The following ECE2 variants were observed in gnomAD, a reference collection of about 807,000 sequenced individuals.
ECE2 encodes endothelin-converting enzyme 2.
Under a neutral mutation model 100.6 loss-of-function variants are expected in ECE2, and 81 were observed. That is an observed-to-expected ratio of 0.81 (90% CI 0.67 to 0.97). The LOEUF is 0.97. Ranked by LOEUF, ECE2 falls within the 50% of genes least tolerant of loss-of-function variation. ECE2 has a pLI of 0.00. For synonymous variants in ECE2, 391 were observed against 391.5 expected (o/e 1.00, Z 0.02); for missense variants, 911 against 988.1 (o/e 0.92, Z 1.05).
At position 184,276,202 on chromosome 3, in the gene ECE2, G is replaced by A. The variant is rs1210371419; in HGVS notation, c.39+10G>A. On this transcript the variant is annotated intron_variant, in intron 1 of 18. Coordinates refer to ENST00000404464, the MANE Select transcript of ECE2 (RefSeq NM_001100121.2). Reference sequence around the variant, plus strand: ...GGGAGCTGGCAGCAACGTGAGTGGGGGCCCCGGGCTCCACGGGAGGGGACT... The same window carrying A: ...GGGAGCTGGCAGCAACGTGAGTGGGAGCCCCGGGCTCCACGGGAGGGGACT... 1 of 1,444,316 alleles carries A rather than the reference G, an allele frequency of 6.9e-7. No individual in the cohort carries two copies. Among genetic ancestry groups the A allele is most frequent in the Non-Finnish European group, 9.0e-7 (1 of 1,105,072 alleles). 89.5% of individuals were successfully genotyped at this position (1,444,316 alleles called of 1,614,324 possible).
At position 184,291,330 on chromosome 3, in the gene ECE2, T is replaced by C. The variant is rs1372755874; in HGVS notation, c.2026-14T>C. On this transcript the variant is annotated splice_polypyrimidine_tract_variant and intron_variant, in intron 17 of 18. Transcript: ENST00000404464. This position sits in a 1 kb window ranked among gnomAD's most constrained non-coding sequence, Gnocchi z 4.1. ...AGGCCTGGATGGGCTTGTTGCCCAC[T>C]GTTCTGTCCCCAGGCTTACAAAGCA... is the stretch of plus-strand genomic sequence containing the variant. 19 of 1,598,246 alleles carry C rather than the reference T, an allele frequency of 1.2e-5. No homozygotes were observed. Among genetic ancestry groups the C allele is most frequent in the Non-Finnish European group, 1.6e-5 (19 of 1,170,930 alleles).
chr3:184,277,255 A>G lies in ECE2; in HGVS notation c.267A>G (p.Pro89=), dbSNP rs747537258. The G allele has an allele frequency of 6.2e-7, 1 of 1,614,144 alleles. No homozygotes were observed. Among genetic ancestry groups the G allele is most frequent in the Non-Finnish European group, 8.5e-7 (1 of 1,180,016 alleles). The change falls in exon 4 of 19, where the codon CCA becomes CCG. Residue 89 remains proline, a synonymous_variant. Coordinates refer to ENST00000404464, the MANE Select transcript of ECE2 (RefSeq NM_001100121.2). ...VALGVQYHRD[P]SHSTCLTEAC... ...CGGCCATGTTCCCTACCACAGACCC[A>G]TCCCACAGCACCTGCCTTACAGAGG...
rs979876744 is a variant in ECE2 at position 184,289,390 on chromosome 3, G to A, written c.1375-47G>A. 4 of 1,535,124 alleles carry A rather than the reference G, an allele frequency of 2.6e-6. No homozygotes were observed. In the African/African-American group the frequency reaches 4.1e-5, roughly 16 times the overall value. ...ACCAAGGGTGGATGGGTGGGGCAGG[G>A]ATGCATTCAGTGCAGGGGAAGGCTG... is the stretch of plus-strand genomic sequence containing the variant. On this transcript the variant is annotated intron_variant, in intron 11 of 18. Transcript: ENST00000404464. This position sits in a 1 kb window ranked among gnomAD's most constrained non-coding sequence, Gnocchi z 4.1.
At chr3:184,279,309 C>CA (rs60647349) in intron 7 of ECE2, among the ~76,000 whole-genome samples, 44,113 of 78,924 alleles carry the variant, frequency 0.56, 11,654 homozygotes, top group Middle Eastern at 0.63. Flanking sequence ...GACTCCGACT[C>CA]AAAAAAAAAA....
intron 10 of ECE2, among the ~76,000 whole-genome samples, chr3:184,286,800 A>C (rs912059897): frequency 4.6e-5 from 7 of 150,706 alleles, no homozygotes; most frequent in Non-Finnish European, 1.0e-4. Context: ...TCTGTTTAAA[A>C]AAAAAAAAAA....
intron 7 of ECE2, among the ~76,000 whole-genome samples, 184 bp from the exon 8 acceptor site, chr3:184,283,601 G>A (rs867202450): frequency 7.6e-5 from 10 of 132,326 alleles, no homozygotes; most frequent in Admixed American, 7.8e-5. Flanking sequence ...AGAAGAAGAA[G>A]AAGTAAGTAA....
At chr3:184,290,475 G>A in intron 14 of ECE2, 82 bp from the exon 15 acceptor site, 4 of 1,561,902 alleles carry the variant, frequency 2.6e-6, no homozygotes, top group South Asian at 1.1e-5. Flanking sequence ...CCATACCCTT[G>A]CAGGAGGTAG....
chr3:184,287,962 T>C lies in ECE2; in HGVS notation c.1374+15T>C, dbSNP rs770456478. 6.2e-7 allele frequency: 1 copy of C among 1,608,994 alleles called. No homozygotes were observed. Among genetic ancestry groups the C allele is most frequent in the South Asian group, 1.1e-5 (1 of 90,970 alleles). On this transcript the variant is annotated intron_variant, in intron 11 of 18. Coordinates refer to ENST00000404464, the MANE Select transcript of ECE2 (RefSeq NM_001100121.2). ...GCAAAGAAATTGTGAGTCTACAAGA[T>C]TCTTTCAACACTATGCCCTCAAAAT... is the stretch of plus-strand genomic sequence containing the variant.
At chr3:184,287,811 G>C in intron 10 of ECE2, 26 bp from the exon 11 acceptor site, 1 of 1,594,414 alleles carries the variant, frequency 6.3e-7, no homozygotes, top group Non-Finnish European at 8.6e-7. Flanking sequence ...CCATCTCTAG[G>C]GTCCTGGCTC....
Position 184,289,788 on chromosome 3 carries a change from T to C in ECE2, c.1551+70T>C. On this transcript the variant is annotated intron_variant, in intron 13 of 18. Transcript: ENST00000404464. This position sits in a 1 kb window ranked among gnomAD's most constrained non-coding sequence, Gnocchi z 4.1. ...GGCACTGTTCCCTGGGCTTAGAAAT[T>C]GGGGCTCAAGCACTGGGAAAGAGGT... 4 of 1,392,534 alleles carry C rather than the reference T, an allele frequency of 2.9e-6. No individual in the cohort carries two copies. The highest frequency in any genetic ancestry group is 4.5e-5 in the Admixed American group (2 of 44,436). The allele number at this position is 1,392,534 out of a possible 1,614,324, so 86.3% of individuals were successfully genotyped here. A position where few individuals can be genotyped will look rare whatever the true frequency, so the allele number is the denominator to read the frequency against.
In ECE2 at chr3:184,292,051, C is replaced by T. The variant is rs780516567; in HGVS notation, c.2122-11C>T. 6.2e-6 allele frequency: 10 copies of T among 1,607,614 alleles called. No individual in the cohort carries two copies. The African/African-American group carries it at 1.2e-4, about 19-fold the overall frequency. ...GACACCATATGCCCCCATGTCTGTC[C>T]TGGCCCGCAGGTGTGGTGCTCGGTC... is the stretch of plus-strand genomic sequence containing the variant. On this transcript the variant is annotated splice_polypyrimidine_tract_variant and intron_variant, in intron 18 of 18. Coordinates refer to ENST00000404464, the MANE Select transcript of ECE2 (RefSeq NM_001100121.2).
In ECE2 at chr3:184,278,190, G is replaced by A. The variant is rs1481853399; in HGVS notation, c.627G>A (p.Gly209=). ...AGATTGGTGGTTGGAACATTACGGG[G>A]CCCTGGGACCAGGACAACTTTATGG... is the stretch of plus-strand genomic sequence containing the variant. ...IEKIGGWNIT[G]PWDQDNFMEV... The change falls in exon 6 of 19, where the codon GGG becomes GGA. Residue 209 remains glycine (G), a synonymous_variant. Transcript: ENST00000404464. The A allele has an allele frequency of 1.9e-6, 3 of 1,614,158 alleles. No homozygotes were observed. The highest frequency in any genetic ancestry group is 2.5e-6 in the Non-Finnish European group (3 of 1,180,024).
In ECE2 at chr3:184,278,186, C is replaced by T. The variant is rs200738285; in HGVS notation, c.623C>T (p.Thr208Met). Reference protein sequence around the residue: ...LIEKIGGWNITGPWDQDNFME... With the variant: ...LIEKIGGWNIMGPWDQDNFME... ...ACATAGATTGGTGGTTGGAACATTA[C>T]GGGGCCCTGGGACCAGGACAACTTT... The change falls in exon 6 of 19, where the codon ACG becomes ATG. Residue 208 changes from threonine (T) to methionine (M), a missense_variant. Transcript: ENST00000404464. 42 of 1,614,108 alleles carry T rather than the reference C, an allele frequency of 2.6e-5. No homozygotes were observed. Among genetic ancestry groups the T allele is most frequent in the South Asian group, 3.3e-5 (3 of 91,078 alleles).
At chr3:184,278,119 G>A (rs368231662) in intron 5 of ECE2, 48 bp from the exon 6 acceptor site, 18 of 1,613,184 alleles carry the variant, frequency 1.1e-5, no homozygotes, top group East Asian at 4.5e-5. Context: ...GCCCAGGAAC[G>A]CTTTGGGAGC....
chr3:184,289,530 G>A lies in ECE2; in HGVS notation c.1468G>A (p.Glu490Lys). ...MDEKTRQAAK[E>K]KADAIYDMIG... ...TGAGAAGACCCGCCAGGCAGCCAAGGAGAAAGTGAGCGGTGGCTAGGGTTG... is the reference window on the plus strand; with the variant it reads ...TGAGAAGACCCGCCAGGCAGCCAAGAAGAAAGTGAGCGGTGGCTAGGGTTG... Residue 490 changes from glutamate (E) to lysine (K), a missense_variant, in exon 12 of 19, where the codon GAG (glutamate) becomes AAG (lysine). Coordinates refer to ENST00000404464, the MANE Select transcript of ECE2 (RefSeq NM_001100121.2). This position sits in a 1 kb window ranked among gnomAD's most constrained non-coding sequence, Gnocchi z 4.1. 1 of 1,613,500 alleles carries A rather than the reference G, an allele frequency of 6.2e-7. No homozygotes were observed. The highest frequency in any genetic ancestry group is 8.5e-7 in the Non-Finnish European group (1 of 1,179,736).
Position 184,276,564 on chromosome 3 carries a change from G to T in ECE2, c.123G>T (p.Met41Ile). Residue 41 changes from methionine to isoleucine, a missense_variant, in exon 2 of 19, where the codon ATG becomes ATT. Physicochemically the swap from Met to Ile is conservative, Grantham distance 10. Transcript: ENST00000404464. ...PVEGGASPDA[M>I]EVGFQKGTRQ... ...AGGGCGGGGCCTCCCCGGACGCCAT[G>T]GAGGTGGGCAAGGGGGCTTCCCCTT... 1 of 1,609,308 alleles carries T rather than the reference G, an allele frequency of 6.2e-7. No individual in the cohort carries two copies. Among genetic ancestry groups the T allele is most frequent in the Non-Finnish European group, 8.5e-7 (1 of 1,178,618 alleles).
chr3:184,283,652 G>T, intron 7 of ECE2, 133 bp from the exon 8 acceptor site: 4 of 706,634 alleles, frequency 5.7e-6, no homozygotes, highest in Non-Finnish European at 6.6e-6. Context: ...TGTCAGAAAT[G>T]AAACAGGTCA....
Position 184,289,553 on chromosome 3 carries a change from T to G in ECE2, c.1473+18T>G, listed in dbSNP as rs769693251. 1.2e-6 allele frequency: 2 copies of G among 1,613,564 alleles called. No homozygotes were observed. Among genetic ancestry groups the G allele is most frequent in the Non-Finnish European group, 1.7e-6 (2 of 1,179,766 alleles). On this transcript the variant is annotated intron_variant, in intron 12 of 18. Transcript: ENST00000404464. This position sits in a 1 kb window ranked among gnomAD's most constrained non-coding sequence, Gnocchi z 4.1. The stretch of plus-strand genomic sequence containing the variant: ...AGGAGAAAGTGAGCGGTGGCTAGGG[T>G]TGGGGCGCCATCTTGAGGTGGGGTT...
rs144817798 is a variant in ECE2 at position 184,289,690 on chromosome 3, C to G, written c.1523C>G (p.Pro508Arg). The G allele has an allele frequency of 9.5e-5, 154 of 1,613,256 alleles. 1 individual carries two copies. The Middle Eastern group carries it at 1.3e-3, about 14-fold the overall frequency. Residue 508 changes from proline to arginine, a missense_variant, in exon 13 of 19, where the codon CCC becomes CGC. Physicochemically the swap from Pro to Arg is moderately radical, Grantham distance 103. Transcript: ENST00000404464. The surrounding 1 kb of genome is among the most constrained non-coding windows in gnomAD (Gnocchi z 4.1). Reference protein sequence around the residue: ...MIGFPDFILEPKELDDVYDGY... With the variant: ...MIGFPDFILERKELDDVYDGY... ...GGTTTCCCAGACTTTATCCTGGAGC[C>G]CAAAGAGCTGGATGATGTTTATGAC...
Sources: gnomAD v4.1 joint callset for allele counts (sites outside exome capture counted in the v4.1 genomes callset) on GRCh38, gnomAD v4.1.1 for gene constraint, Gnocchi (gnomAD v3.1) non-coding constraint, MANE v1.5 for transcripts, NCBI Gene and HGNC (gene_info 2026-07-23, HGNC 2026-07-21) for gene names.